Variants in NR2C2 observed in about 807,000 individuals in gnomAD.
NR2C2 encodes the protein nuclear receptor subfamily 2 group C member 2.
NR2C2 carries 6 observed loss-of-function variants against 62.9 expected under a neutral mutation model. The observed-to-expected ratio is 0.10, with a 90% confidence interval of 0.05 to 0.19. NR2C2 has a LOEUF of 0.19. Ranked by LOEUF, NR2C2 falls within the 10% of genes least tolerant of loss-of-function variation. NR2C2 has a pLI of 1.00. For missense variants in NR2C2, 479 were observed against 762.7 expected (o/e 0.63, Z 4.38); for synonymous variants, 272 against 273.8 (o/e 0.99, Z 0.07).
At chr3:15,023,049 C>G in intron 5 of NR2C2, 151 bp from the exon 6 acceptor site, 1 of 812,390 alleles carries the variant, frequency 1.2e-6, no homozygotes, top group East Asian at 2.7e-5. Context: ...TATTCCTTCT[C>G]TCTGGCCGAA....
At chr3:15,037,918 T>G in intron 11 of NR2C2, 82 bp from the exon 12 acceptor site, 2 of 1,383,502 alleles carry the variant, frequency 1.4e-6, no homozygotes, top group Non-Finnish European at 2.0e-6. Context: ...TGGTCCCATT[T>G]CTTTCCATAT....
At position 15,048,008 on chromosome 3, in the gene NR2C2, A is replaced by G. The variant is rs2042515976; in HGVS notation, c.*5000A>G. On this transcript the variant is annotated 3_prime_UTR_variant, in exon 14 of 14. Transcript: ENST00000425241. ...GCCCTTGAGAGCCAGGGCCTGGCCC[A>G]GCAGTAGTTGCTCATAGACCTGGGA... The G allele has an allele frequency of 6.5e-6, 1 of 152,700 alleles. No homozygotes were observed. The highest frequency in any genetic ancestry group is 6.5e-5 in the Admixed American group (1 of 15,310). 9.5% of individuals were successfully genotyped at this position (152,700 alleles called of 1,614,324 possible). A position where few individuals can be genotyped will look rare whatever the true frequency, so the allele number is the denominator to read the frequency against.
chr3:15,020,699 G>C, intron 4 of NR2C2, 54 bp from the exon 5 acceptor site: 1 of 1,587,330 alleles, frequency 6.3e-7, no homozygotes, highest in Non-Finnish European at 8.6e-7. Context: ...CACCTCTTTG[G>C]TGAATCCACA....
intron 1 of NR2C2, among the ~76,000 whole-genome samples, chr3:14,983,491 A>ACACACACG (rs1553639705): frequency 2.0e-5 from 3 of 151,494 alleles, no homozygotes; most frequent in Non-Finnish European, 2.9e-5. Flanking sequence ...ACACACACAC[A>ACACACACG]CACATTCTTA....
chr3:14,963,428 A>G (rs1267293680), intron 1 of NR2C2, among the ~76,000 whole-genome samples: 5 of 152,208 alleles, frequency 3.3e-5, no homozygotes, highest in Non-Finnish European at 5.9e-5. Context: ...CATGGGTCCT[A>G]CTGCAACCAG....
At chr3:15,010,286 A>G (rs533961367) in intron 2 of NR2C2, among the ~76,000 whole-genome samples, 7 of 151,554 alleles carry the variant, frequency 4.6e-5, no homozygotes, top group Non-Finnish European at 1.0e-4. Context: ...TTCTGCCTGC[A>G]TTTTTAGTTT....
At chr3:15,024,344 T>G (rs1026405430) in intron 7 of NR2C2, 136 bp downstream of exon 7, 9 of 604,268 alleles carry the variant, frequency 1.5e-5, no homozygotes, top group Admixed American at 1.1e-4. Flanking sequence ...GTCTCCTTAT[T>G]GTTGTGATAG....
intron 1 of NR2C2, among the ~76,000 whole-genome samples, chr3:14,990,132 A>C (rs74848145): frequency 0.013 from 1,955 of 152,136 alleles, 34 homozygotes; most frequent in African/African-American, 0.044. Flanking sequence ...ATATTAGATT[A>C]CTGCACCGTT....
chr3:14,964,663 C>A (rs563267147), intron 1 of NR2C2, among the ~76,000 whole-genome samples: 1 of 151,708 alleles, frequency 6.6e-6, no homozygotes, highest in Non-Finnish European at 1.5e-5. Context: ...TACAGGCGCC[C>A]GCCACCACAC....
chr3:14,984,576 GCTT>G (rs2040463842), intron 1 of NR2C2, among the ~76,000 whole-genome samples: 1 of 151,938 alleles, frequency 6.6e-6, no homozygotes, highest in Non-Finnish European at 1.5e-5. Flanking sequence ...TTTTTGTCTT[GCTT>G]CTTTCATTTA....
Position 14,979,199 on chromosome 3 carries a change from TAAGGTGGCTTGGTA to T in NR2C2, c.-39-24672_-39-24659del, listed in dbSNP as rs531958409. Among the ~76,000 whole-genome samples the T allele has an allele frequency of 2.0e-3, 301 of 152,340 alleles. 5 individuals are homozygous for T. Among genetic ancestry groups the T allele is most frequent in the Admixed American group, 0.016 (244 of 15,294 alleles). On this transcript the variant is annotated intron_variant, in intron 1 of 13. Transcript: ENST00000425241. ...TGTTTTTGTTCCTTTACTCATTGTT[TAAGGTGGCTTGGTA>T]AAGGGATAGAGATAAATGCGTGAGT... is the stretch of plus-strand genomic sequence containing the variant.
At chr3:15,001,318 G>GTTTTTTTTTTTTTTTTTTTTTTGGTTT in intron 1 of NR2C2, among the ~76,000 whole-genome samples, 1 of 97,484 alleles carries the variant, frequency 1.0e-5, no homozygotes, top group Non-Finnish European at 2.1e-5. Flanking sequence ...TTTGTTTTGG[G>GTTTTTTTTTTTTTTTTTTTTTTGGTTT]TTTTTTTTTT....
chr3:15,018,736 G>A (rs1313969156), intron 4 of NR2C2, among the ~76,000 whole-genome samples: 2 of 151,920 alleles, frequency 1.3e-5, no homozygotes. Flanking sequence ...ATATTTTTTG[G>A]CAGGGTGCGG....
chr3:14,959,207 T>C (rs1321566426), intron 1 of NR2C2: 2 of 152,222 alleles, frequency 1.3e-5, no homozygotes, highest in Non-Finnish European at 2.9e-5. Context: ...GTGAGAGTCT[T>C]ATACCCTGAT....
At chr3:14,995,433 C>T (rs1349626539) in intron 1 of NR2C2, among the ~76,000 whole-genome samples, 1 of 151,542 alleles carries the variant, frequency 6.6e-6, no homozygotes, top group African/African-American at 2.4e-5. Context: ...TAAATTGAAT[C>T]ATATAGTCTT....
At chr3:14,952,919 G>A (rs115666395) in intron 1 of NR2C2, among the ~76,000 whole-genome samples, 1 of 152,154 alleles carries the variant, frequency 6.6e-6, no homozygotes, top group African/African-American at 2.4e-5. Flanking sequence ...AGCTCAACTA[G>A]CACAGCTCAA....
At chr3:15,036,888 G>A (rs756860189) in intron 11 of NR2C2, among the ~76,000 whole-genome samples, 7 of 152,154 alleles carry the variant, frequency 4.6e-5, no homozygotes, top group Non-Finnish European at 7.4e-5. Context: ...TTGGGAGGCC[G>A]AGGCAGGTGG....
rs548404577 is a variant in NR2C2 at position 14,957,083 on chromosome 3, G to A, written c.-40+9177G>A. ...CAAATCTTCACTATAACCTCATATG[G>A]TCAGTATCTGAGAGATGAGCTTAGT... On this transcript the variant is annotated intron_variant, in intron 1 of 13. Coordinates refer to ENST00000425241, the MANE Select transcript of NR2C2 (RefSeq NM_001291694.2). Among the ~76,000 whole-genome samples, 22 of 152,274 alleles carry A rather than the reference G, an allele frequency of 1.4e-4. 4 individuals are homozygous for A. The highest frequency in any genetic ancestry group is 1.3e-3 in the East Asian group (7 of 5,192).
At chr3:14,948,625 G>T (rs1219754392) in intron 1 of NR2C2, 2 of 153,126 alleles carry the variant, frequency 1.3e-5, no homozygotes, top group Non-Finnish European at 2.9e-5. Flanking sequence ...GAGGGGCGCG[G>T]CCGGGTGGAG....
Sources: gnomAD v4.1 joint callset for allele counts (sites outside exome capture counted in the v4.1 genomes callset) on GRCh38, gnomAD v4.1.1 for gene constraint, MANE v1.5 for transcripts, NCBI Gene and HGNC (gene_info 2026-07-23, HGNC 2026-07-21) for gene names.